Variants in TCF25 observed in about 807,000 individuals in gnomAD.
TCF25 encodes the protein ribosome quality control complex subunit TCF25.
A neutral mutation model predicts 83.1 loss-of-function variants in TCF25; 41 were observed. The observed-to-expected ratio is 0.49, with a 90% CI of 0.38 to 0.64. The LOEUF is 0.64. Ranked by LOEUF, TCF25 falls within the 30% of genes least tolerant of loss-of-function variation. The pLI is 0.00. For missense variants in TCF25, 979 were observed against 914.5 expected (o/e 1.07, Z -0.91); for synonymous variants, 458 against 365.0 (o/e 1.25, Z -2.90).
At chr16:89,890,730 G>C (rs2144091551) in intron 5 of TCF25, 1 of 151,854 alleles carries the variant, frequency 6.6e-6, no homozygotes, top group African/African-American at 2.4e-5. Flanking sequence ...TTATATTTTT[G>C]CATGGTTTTA....
At chr16:89,900,472 G>C (rs558123055) in intron 11 of TCF25, among the ~76,000 whole-genome samples, 163 bp from the exon 12 acceptor site, 64 of 152,288 alleles carry the variant, frequency 4.2e-4, no homozygotes, top group Middle Eastern at 6.8e-3. Context: ...CCAGGTGGAC[G>C]TTTTAAGTTA....
chr16:89,908,675 C>G (rs796272426), intron 16 of TCF25, among the ~76,000 whole-genome samples: 5 of 4,018 alleles, frequency 1.2e-3, no homozygotes, highest in African/African-American at 1.4e-3. Flanking sequence ...CCACCTCCCT[C>G]CTCCCAGCTC....
rs1439495753 is a variant in TCF25, at chr16:89,898,487, G to GC, written c.1023-68dup. 6.0e-6 allele frequency: 9 copies of GC among 1,505,500 alleles called. No homozygotes were observed. The African/African-American group carries it at 1.1e-4, about 18-fold the overall frequency. 93.3% of individuals were successfully genotyped at this position (1,505,500 alleles called of 1,614,324 possible). ...AGAGGGCGGGGTGGAGTGGGTGCTG[G>GC]CCGGGGCGCTGAGCAGAGAGCATTC... On this transcript the variant is annotated intron_variant, in intron 9 of 17. Transcript: ENST00000263346.
intron 2 of TCF25, chr16:89,883,724 G>GAA: frequency 5.2e-6 from 3 of 578,190 alleles, no homozygotes; most frequent in African/African-American, 1.9e-5. Flanking sequence ...CATCTCAGGA[G>GAA]AGTCTGCGCC....
intron 1 of TCF25, among the ~76,000 whole-genome samples, chr16:89,874,391 A>C (rs2042005151): frequency 6.6e-6 from 1 of 151,428 alleles, no homozygotes. Flanking sequence ...GCCACGGCGT[A>C]GGGGCAGGAG....
At chr16:89,910,264 A>C (rs1033584050) in intron 16 of TCF25, 1 of 397,476 alleles carries the variant, frequency 2.5e-6, no homozygotes, top group Admixed American at 4.1e-5. Flanking sequence ...GGAGACGTTG[A>C]AACTGCAGCT....
chr16:89,875,513 GTTTTTTTTTTTTTTTTT>G (rs1193815042), intron 1 of TCF25, among the ~76,000 whole-genome samples: 1 of 65,952 alleles, frequency 1.5e-5, no homozygotes, highest in Non-Finnish European at 2.6e-5. Context: ...CCTGACGTGA[GTTTTTTTTTTTTTTTTT>G]TTTTTTTTTT....
In TCF25 at chr16:89,909,065, G is replaced by A. The variant is rs140661381; in HGVS notation, c.1800-1526G>A. ...CTCCACCGAATGTACAAGCGCTTGC[G>A]TGTCGGCCTCTGTGGCAGGTGCGAG... On this transcript the variant is annotated intron_variant, in intron 16 of 17. Transcript: ENST00000263346. The A allele has an allele frequency of 7.5e-3, 9,735 of 1,289,532 alleles. 67 individuals carry two copies. Among genetic ancestry groups the A allele is most frequent in the Admixed American group, 0.016 (688 of 43,562 alleles). The allele number at this position is 1,289,532 out of a possible 1,614,324, so 79.9% of individuals were successfully genotyped here.
At chr16:89,908,472 CCTGCCAG>C (rs1401827286) in intron 16 of TCF25, among the ~76,000 whole-genome samples, 1 of 143,018 alleles carries the variant, frequency 7.0e-6, no homozygotes, top group Non-Finnish European at 1.5e-5. Flanking sequence ...CCAGTTCCCA[CCTGCCAG>C]CTCCCACCTC....
In TCF25 at chr16:89,887,727, A is replaced by T; in HGVS notation, c.614+10A>T. On this transcript the variant is annotated intron_variant, in intron 5 of 17. Transcript: ENST00000263346. ...TCCTGGGGGAGCAAAGGTAAGGTCC[A>T]CAGTGAGCTGCATTCTCACAGCTGC... 1 of 1,564,600 alleles carries T rather than the reference A, an allele frequency of 6.4e-7. No homozygotes were observed. Among genetic ancestry groups the T allele is most frequent in the South Asian group, 1.2e-5 (1 of 83,350 alleles).
intron 11 of TCF25, 42 bp downstream of exon 11, chr16:89,898,914 C>A: frequency 6.4e-7 from 1 of 1,571,608 alleles, no homozygotes; most frequent in East Asian, 2.2e-5. Flanking sequence ...GGACGGACAC[C>A]TGCTTCTCCT....
At chr16:89,899,565 C>T (rs574586915) in intron 11 of TCF25, among the ~76,000 whole-genome samples, 1 of 152,196 alleles carries the variant, frequency 6.6e-6, no homozygotes, top group South Asian at 2.1e-4. Context: ...CCTGTCTCTA[C>T]TAAAAATACA....
chr16:89,908,627 C>T (rs193258452), intron 16 of TCF25, among the ~76,000 whole-genome samples: 10 of 64,636 alleles, frequency 1.5e-4, no homozygotes, highest in Middle Eastern at 8.2e-3. Context: ...CACCTCCCAG[C>T]TCCCACCTCC....
At chr16:89,882,405 G>A (rs1021789665) in intron 1 of TCF25, among the ~76,000 whole-genome samples, 1 of 152,074 alleles carries the variant, frequency 6.6e-6, no homozygotes, top group African/African-American at 2.4e-5. Context: ...AGGCATGGTA[G>A]CTCACGCCTG....
At position 89,900,761 on chromosome 16, in the gene TCF25, C is replaced by T. The variant is rs2044257214; in HGVS notation, c.1348C>T (p.Leu450=). 1 of 1,593,348 alleles carries T rather than the reference C, an allele frequency of 6.3e-7. No homozygotes were observed. Among genetic ancestry groups the T allele is most frequent in the South Asian group, 1.1e-5 (1 of 90,566 alleles). ...CTCTGCCAGGCAGAAGGCCTCTCTC[C>T]TGATACAGCAGGCGCTCACCATGTT... ...QSSARQKASL[L]IQQALTMFPG... The change falls in exon 12 of 18, where the codon CTG becomes TTG. Residue 450 remains leucine, a synonymous_variant. Coordinates refer to ENST00000263346, the MANE Select transcript of TCF25 (RefSeq NM_014972.3).
intron 2 of TCF25, among the ~76,000 whole-genome samples, chr16:89,884,373 C>A (rs1179484621): frequency 6.6e-6 from 1 of 152,008 alleles, no homozygotes. Context: ...CACAGAAGGC[C>A]CTGGGGACTG....
intron 10 of TCF25, 40 bp from the exon 11 acceptor site, chr16:89,898,727 C>T: frequency 6.2e-7 from 1 of 1,613,128 alleles, no homozygotes; most frequent in East Asian, 2.2e-5. Flanking sequence ...GACGATGCCC[C>T]TGTTCCCCTT....
rs768758402 is a variant in TCF25, at chr16:89,895,070, C to G, written c.861C>G (p.Asp287Glu). Residue 287 changes from aspartate (D) to glutamate (E), a missense_variant, in exon 8 of 18, where the codon GAC becomes GAG. Asp to Glu is a conservative substitution (Grantham distance 45, BLOSUM62 2). Coordinates refer to ENST00000263346, the MANE Select transcript of TCF25 (RefSeq NM_014972.3). ...TCCAGACGAGCCCTTACCACGTTGACTCACTCCTGCAGCTCAGCGATGCCT... is the reference window on the plus strand; with the variant it reads ...TCCAGACGAGCCCTTACCACGTTGAGTCACTCCTGCAGCTCAGCGATGCCT... ...VLLQTSPYHV[D>E]SLLQLSDACR... 1.9e-6 allele frequency: 3 copies of G among 1,613,392 alleles called. No individual in the cohort carries two copies. Among genetic ancestry groups the G allele is most frequent in the South Asian group, 1.1e-5 (1 of 91,076 alleles).
At chr16:89,898,260 A>G (rs1354129036) in intron 9 of TCF25, among the ~76,000 whole-genome samples, 1 of 149,438 alleles carries the variant, frequency 6.7e-6, no homozygotes, top group Non-Finnish European at 1.5e-5. Flanking sequence ...CCCAGAGAGC[A>G]GAATGGGGGT....
Sources: gnomAD v4.1 joint callset for allele counts (sites outside exome capture counted in the v4.1 genomes callset) on GRCh38, gnomAD v4.1.1 for gene constraint, MANE v1.5 for transcripts, NCBI Gene and HGNC (gene_info 2026-07-23, HGNC 2026-07-21) for gene names.